NEB: variants seen among roughly 807,000 people sequenced by gnomAD.
NEB encodes the protein nebulin.
Under a neutral mutation model 952.2 loss-of-function variants are expected in NEB, and 512 were observed. The ratio of observed to expected loss-of-function variants is 0.54; its 90% CI spans 0.50 to 0.58. The LOEUF is 0.58. NEB is among the 20% of genes least tolerant of loss of function. NEB has a pLI of 0.00. For missense variants in NEB, 8,428 were observed against 9,231.1 expected, an observed-to-expected ratio of 0.91 and a Z score of 3.56; for synonymous variants, 2,900 against 3,149.8, an observed-to-expected ratio of 0.92 and a Z score of 2.66.
chr2:151,697,095 C>T (rs2099602180), intron 16 of NEB, 53 bp downstream of exon 16: 1 of 1,340,232 alleles, frequency 7.5e-7, no homozygotes, highest in African/African-American at 1.5e-5. Flanking sequence ...CATATCCTGA[C>T]CACTAGATGC....
At position 151,706,894 on chromosome 2, in the gene NEB, TCTC is replaced by T; in HGVS notation, c.1136_1138del (p.Gly379del). On this transcript the variant is annotated inframe_deletion, in exon 13 of 182. Coordinates refer to ENST00000397345, the MANE Select transcript of NEB (RefSeq NM_001164508.2). ...AAATATACTTACGTCACTTAGGGCA[TCTC>T]CTGCTGCCTTCAGCTGCCTAAGCTG... 1.9e-6 allele frequency: 3 copies of T among 1,601,864 alleles called. No individual in the cohort carries two copies. Among genetic ancestry groups the T allele is most frequent in the Non-Finnish European group, 2.6e-6 (3 of 1,173,530 alleles).
At position 151,545,899 on chromosome 2, in the gene NEB, G is replaced by A; in HGVS notation, c.20566C>T (p.His6856Tyr). 3 of 1,597,248 alleles carry A rather than the reference G, an allele frequency of 1.9e-6. No individual in the cohort carries two copies. Among genetic ancestry groups the A allele is most frequent in the Middle Eastern group, 1.7e-4 (1 of 5,996 alleles). Residue 6856 changes from histidine (H) to tyrosine (Y), a missense_variant, in exon 135 of 182, where the codon CAT (histidine) becomes TAT (tyrosine). Transcript: ENST00000397345. ...TAAAGCGTCCTTACCTCACTCAGAT[G>A]TGTCTTCAGTTCTTGCACTTTTCTG... ...EYRKVQELKT[H>Y]LSELVYRAAG...
chr2:151,640,633 C>T lies in NEB; in HGVS notation c.8407G>A (p.Gly2803Ser), dbSNP rs752431957. 17 of 1,613,210 alleles carry T rather than the reference C, an allele frequency of 1.1e-5. 1 individual carries two copies. The highest frequency in any genetic ancestry group is 2.7e-5 in the African/African-American group (2 of 74,742). ...KYKEGYRKQL[G>S]HHIGARAIRD... ...ATAGCTCGGGCACCAATGTGGTGGCCGAGCTGCTTACGATAGCCTTCTTTG... is the reference window on the plus strand; with the variant it reads ...ATAGCTCGGGCACCAATGTGGTGGCTGAGCTGCTTACGATAGCCTTCTTTG... The change falls in exon 61 of 182, where the codon GGC (glycine) becomes AGC (serine). Residue 2803 changes from glycine to serine, a missense_variant. This residue lies in a region of NEB where 1,772 missense variants were observed against 1,960.3 expected (regional missense o/e 0.90). Transcript: ENST00000397345.
In NEB at chr2:151,687,497, C is replaced by T; in HGVS notation, c.2559G>A (p.Gly853=). 1 of 1,614,002 alleles carries T rather than the reference C, an allele frequency of 6.2e-7. No individual in the cohort carries two copies. The change falls in exon 27 of 182, where the codon GGG becomes GGA. Residue 853 remains glycine, a synonymous_variant. Transcript: ENST00000397345. Reference sequence around the variant, plus strand: ...TAATGCTGAGGGCTCCAATCATTTTCCCTTTGCTCTTTTCATAGTCTTTCT... The same window carrying T: ...TAATGCTGAGGGCTCCAATCATTTTTCCTTTGCTCTTTTCATAGTCTTTCT... ...MYKKDYEKSK[G]KMIGALSIND...
chr2:151,666,796 C>A (rs2099224128), intron 40 of NEB, among the ~76,000 whole-genome samples: 1 of 151,992 alleles, frequency 6.6e-6, no homozygotes, highest in Non-Finnish European at 1.5e-5. Flanking sequence ...CCTGCAGCCT[C>A]TGGGGCCCTC....
Position 151,677,767 on chromosome 2 carries a change from A to AC in NEB, c.3571dup (p.Val1191GlyfsTer27). 1 of 1,613,994 alleles carries AC rather than the reference A, an allele frequency of 6.2e-7. No individual in the cohort carries two copies. Among genetic ancestry groups the AC allele is most frequent in the Non-Finnish European group, 8.5e-7 (1 of 1,179,876 alleles). On this transcript the variant is annotated frameshift_variant, in exon 34 of 182. Coordinates refer to ENST00000397345, the MANE Select transcript of NEB (RefSeq NM_001164508.2). LOFTEE classifies it high-confidence loss of function. ...CCAGTTGTTGTAGTCTTCCTTGTAG[A>AC]CGTTCTACAGCAATGGAGAAAAGAG... is the stretch of plus-strand genomic sequence containing the variant.
chr2:151,498,145 T>C (rs770193737), intron 170 of NEB, 115 bp downstream of exon 170: 1 of 1,529,184 alleles, frequency 6.5e-7, no homozygotes, highest in Non-Finnish European at 8.8e-7. Context: ...TTTTGTAATA[T>C]AAGATGTATT....
chr2:151,708,053 T>C (rs1315869499), intron 12 of NEB, among the ~76,000 whole-genome samples: 2 of 152,192 alleles, frequency 1.3e-5, no homozygotes, highest in African/African-American at 4.8e-5. Flanking sequence ...AGATGAACTG[T>C]CAGGGCTTGT....
At chr2:151,623,799 T>C (rs2098464038) in intron 71 of NEB, among the ~76,000 whole-genome samples, 1 of 152,176 alleles carries the variant, frequency 6.6e-6, no homozygotes, top group East Asian at 1.9e-4. Context: ...ATTTTTTCTT[T>C]AGGAATAAAT....
Position 151,718,534 on chromosome 2 carries a change from T to A in NEB, c.718-1014A>T, listed in dbSNP as rs988033798. Among the ~76,000 whole-genome samples, 13 of 152,146 alleles carry A rather than the reference T, an allele frequency of 8.5e-5. 1 individual carries two copies. Reference sequence around the variant, plus strand: ...CCCACCTTACTCTCAGCTTCCTCTTTCATAGAGTGAAGAAACGCTACACAC... The same window carrying A: ...CCCACCTTACTCTCAGCTTCCTCTTACATAGAGTGAAGAAACGCTACACAC... On this transcript the variant is annotated intron_variant, in intron 9 of 181. Coordinates refer to ENST00000397345, the MANE Select transcript of NEB (RefSeq NM_001164508.2).
At chr2:151,516,785 G>T (rs1288189322) in intron 156 of NEB, among the ~76,000 whole-genome samples, 1 of 152,150 alleles carries the variant, frequency 6.6e-6, no homozygotes, top group Non-Finnish European at 1.5e-5. Flanking sequence ...TTAGGATTTG[G>T]ATTCAATTCA....
rs934753697 is a variant in NEB at position 151,491,889 on chromosome 2, T to G, written c.25058-114A>C. 9.8e-6 allele frequency: 10 copies of G among 1,019,856 alleles called. No homozygotes were observed. In the Admixed American group the frequency reaches 2.4e-4, roughly 24 times the overall value. The allele number at this position is 1,019,856 out of a possible 1,614,324, so 63.2% of individuals were successfully genotyped here. A position where few individuals can be genotyped will look rare whatever the true frequency, so the allele number is the denominator to read the frequency against. ...GGATTGAATCACACTTATTCCAGCT[T>G]AGGTTCTGGGTCATGTCTTTTCCTC... On this transcript the variant is annotated intron_variant, in intron 178 of 181. Transcript: ENST00000397345.
rs1244224641 is a variant in NEB, at chr2:151,578,808, A to G, written c.16704+530T>C. Among the ~76,000 whole-genome samples the G allele has an allele frequency of 2.5e-4, 38 of 151,748 alleles. 1 individual carries two copies. The highest frequency in any genetic ancestry group is 2.1e-3 in the Admixed American group (32 of 15,220). ...GAAGGAAGGGCGGGCAAGGCTGGGC[A>G]TGGTGGCTCACTTCTGTAATCCCAG... On this transcript the variant is annotated intron_variant, in intron 105 of 181. Transcript: ENST00000397345.
intron 8 of NEB, among the ~76,000 whole-genome samples, chr2:151,723,743 CTTCT>C (rs1224880238): frequency 3.6e-4 from 44 of 123,430 alleles, no homozygotes; most frequent in African/African-American, 1.3e-3. Context: ...CTCTACCTGC[CTTCT>C]TTGTTTTTTT....
rs748978197 is a variant in NEB, at chr2:151,494,221, G to A, written c.24519C>T (p.Thr8173=). Residue 8173 remains threonine, a synonymous_variant, in exon 174 of 182, where the codon ACC becomes ACT. Transcript: ENST00000397345. ...VLYKENVGKA[T]ATPVTPEMQR... is the part of the protein sequence containing the mutation. ...GCATCTCAGGAGTGACAGGGGTTGC[G>A]GTGGCTTTCCCCACATTTTCTTTGT... The A allele has an allele frequency of 8.7e-6, 14 of 1,605,350 alleles. No individual in the cohort carries two copies. Among genetic ancestry groups the A allele is most frequent in the Admixed American group, 6.8e-5 (4 of 59,112 alleles).
chr2:151,687,516 T>A lies in NEB; in HGVS notation c.2540A>T (p.Asp847Val). Residue 847 changes from aspartate (D) to valine (V), a missense_variant, in exon 27 of 182, where the codon GAC becomes GTC. This residue lies in a region of NEB where 2,851 missense variants were observed against 2,791.5 expected (regional missense o/e 1.02). Coordinates refer to ENST00000397345, the MANE Select transcript of NEB (RefSeq NM_001164508.2). Reference protein sequence around the residue: ...KNTSDVMYKKDYEKSKGKMIG... With the variant: ...KNTSDVMYKKVYEKSKGKMIG... The stretch of plus-strand genomic sequence containing the variant: ...CATTTTCCCTTTGCTCTTTTCATAG[T>A]CTTTCTTGTACATCACCTGCAAAGA... 1 of 1,613,906 alleles carries A rather than the reference T, an allele frequency of 6.2e-7. No homozygotes were observed. Among genetic ancestry groups the A allele is most frequent in the Non-Finnish European group, 8.5e-7 (1 of 1,179,796 alleles).
At chr2:151,489,216 G>C (rs2053969973) in intron 181 of NEB, among the ~76,000 whole-genome samples, 1 of 152,174 alleles carries the variant, frequency 6.6e-6, no homozygotes, top group Admixed American at 6.5e-5. Context: ...TACAAAGATT[G>C]TTCATATCAA....
rs781489490 is a variant in NEB at position 151,614,273 on chromosome 2, C to T, written c.11601+3G>A. The T allele has an allele frequency of 6.2e-7, 1 of 1,611,838 alleles. No homozygotes were observed. The highest frequency in any genetic ancestry group is 1.3e-5 in the African/African-American group (1 of 74,898). On this transcript the variant is annotated splice_donor_region_variant and intron_variant, in intron 77 of 181. Transcript: ENST00000397345. Reference sequence around the variant, plus strand: ...ATTACTGAAGAATATTAGAGCCACTCACATCACTCTGCAGGTCATAGGCCT... The same window carrying T: ...ATTACTGAAGAATATTAGAGCCACTTACATCACTCTGCAGGTCATAGGCCT...
rs149025191 is a variant in NEB at position 151,617,397 on chromosome 2, C to T, written c.11148G>A (p.Met3716Ile). 6.4e-7 allele frequency: 1 copy of T among 1,565,150 alleles called. No homozygotes were observed. Among genetic ancestry groups the T allele is most frequent in the Non-Finnish European group, 8.7e-7 (1 of 1,152,850 alleles). Residue 3716 changes from methionine (M) to isoleucine (I), a missense_variant, in exon 75 of 182, where the codon ATG becomes ATA. Physicochemically the swap from Met to Ile is conservative, Grantham distance 10 (BLOSUM62 1). Around this residue, in one of 11 missense-constraint regions of NEB, gnomAD observed 1,772 missense variants for 1,960.3 expected, o/e 0.90. Transcript: ENST00000397345. ...AGTTTATTCGGTTGAGTTTGGCTAA[C>T]ATGATTTCTGGTGTATCAGGCATGA... ...IHVMPDTPEIMLAKLNRINYS... is the reference protein window; with the variant it reads ...IHVMPDTPEIILAKLNRINYS...
Sources: allele counts gnomAD v4.1 joint callset (sites outside exome capture counted in the v4.1 genomes callset), GRCh38; gene constraint gnomAD v4.1.1; regional missense constraint gnomAD v4.1.1; transcripts MANE v1.5; gene names NCBI Gene and HGNC (gene_info 2026-07-23, HGNC 2026-07-21).